The following ZNF366 variants were observed in gnomAD, a reference collection of about 807,000 sequenced individuals.
ZNF366 encodes the protein zinc finger protein 366, also known as dendritic cell-specific transcript protein.
In ZNF366, 20 loss-of-function variants were observed where a neutral mutation model predicts 47.2. That is an observed-to-expected ratio of 0.42 (90% CI 0.30 to 0.62). ZNF366 has a LOEUF of 0.62. ZNF366 is among the 20% of genes least tolerant of loss of function. The probability of loss-of-function intolerance (pLI) is 0.16; values close to 1 mark genes in which losing one functional copy is unlikely to be tolerated. For synonymous variants in ZNF366, 421 were observed against 395.1 expected (o/e 1.07, Z -0.78); for missense variants, 987 against 976.3 (o/e 1.01, Z -0.15).
At chr5:72,447,456 C>T (rs893796352) in intron 3 of ZNF366, 39 bp from the exon 4 acceptor site, 24 of 1,608,280 alleles carry the variant, frequency 1.5e-5, no homozygotes, top group Middle Eastern at 1.9e-4. Flanking sequence ...TTACTCTGCC[C>T]GAGTGAAGCC....
rs146052499 is a variant in ZNF366 at position 72,460,178 on chromosome 5, G to A, written c.1319C>T (p.Ser440Phe). The change falls in exon 2 of 5, where the codon TCC (serine) becomes TTC (phenylalanine). Residue 440 changes from serine to phenylalanine, a missense_variant. By Grantham distance (155) the Ser-to-Phe change is radical. Around this residue, in one of 3 missense-constraint regions of ZNF366, gnomAD observed 111 missense variants for 180.5 expected, o/e 0.61. Coordinates refer to ENST00000318442, the MANE Select transcript of ZNF366 (RefSeq NM_152625.3). ...GCCCCGCAGTACCTTGTGGGTGAGG[G>A]AGTGCTGCTTGAGGTGGTGCGGCTG... Reference protein sequence around the residue: ...FVQPHHLKQHSLTHKGVKEHK... With the variant: ...FVQPHHLKQHFLTHKGVKEHK... 1.2e-5 allele frequency: 20 copies of A among 1,614,000 alleles called. No individual in the cohort carries two copies. The highest frequency in any genetic ancestry group is 2.7e-5 in the African/African-American group (2 of 74,938).
chr5:72,441,015 G>C lies in ZNF366; in HGVS notation c.*2741C>G, dbSNP rs143958002. Reference sequence around the variant, plus strand: ...AATCAGATGGAACTTGAGCTGCTTGGAGTGAGGTGGGTGTGGGAGTTGAGA... The same window carrying C: ...AATCAGATGGAACTTGAGCTGCTTGCAGTGAGGTGGGTGTGGGAGTTGAGA... On this transcript the variant is annotated 3_prime_UTR_variant, in exon 5 of 5. Coordinates refer to ENST00000318442, the MANE Select transcript of ZNF366 (RefSeq NM_152625.3). 9.4e-4 allele frequency: 143 copies of C among 152,266 alleles called. No individual in the cohort carries two copies. Among genetic ancestry groups the C allele is most frequent in the African/African-American group, 3.4e-3 (140 of 41,540 alleles). The allele number at this position is 152,266 out of a possible 1,614,324, so 9.4% of individuals were successfully genotyped here.
At chr5:72,454,600 A>C (rs1743143321) in intron 3 of ZNF366, among the ~76,000 whole-genome samples, 1 of 152,210 alleles carries the variant, frequency 6.6e-6, no homozygotes, top group Non-Finnish European at 1.5e-5. Context: ...AGGGGATTAT[A>C]AACTATGTTA....
intron 1 of ZNF366, among the ~76,000 whole-genome samples, chr5:72,493,036 C>T (rs907503623): frequency 1.3e-5 from 2 of 152,186 alleles, no homozygotes; most frequent in Non-Finnish European, 2.9e-5. Context: ...GAATATTCCC[C>T]AAATGTAGCC....
At chr5:72,451,241 C>T (rs955931422) in intron 3 of ZNF366, among the ~76,000 whole-genome samples, 1 of 152,264 alleles carries the variant, frequency 6.6e-6, no homozygotes, top group African/African-American at 2.4e-5. Context: ...CTTGACCTCT[C>T]GGTCACTCCA....
chr5:72,450,671 T>C (rs1743048655), intron 3 of ZNF366, among the ~76,000 whole-genome samples: 1 of 152,194 alleles, frequency 6.6e-6, no homozygotes, highest in Non-Finnish European at 1.5e-5. Context: ...TCGGGCTCCA[T>C]TCACACCTGG....
intron 1 of ZNF366, among the ~76,000 whole-genome samples, chr5:72,488,112 G>C (rs1474640139): frequency 6.6e-6 from 1 of 152,084 alleles, no homozygotes; most frequent in Non-Finnish European, 1.5e-5. Context: ...GGAGGCTGAG[G>C]GGAGAGAATC....
At chr5:72,481,925 C>G (rs774671876) in intron 1 of ZNF366, among the ~76,000 whole-genome samples, 3 of 152,080 alleles carry the variant, frequency 2.0e-5, no homozygotes, top group Non-Finnish European at 4.4e-5. Context: ...CTGATATCCT[C>G]TAGTTCAGGT....
At chr5:72,507,033 A>G (rs1744332440) in intron 1 of ZNF366, among the ~76,000 whole-genome samples, 1 of 152,196 alleles carries the variant, frequency 6.6e-6, no homozygotes, top group Non-Finnish European at 1.5e-5. Flanking sequence ...CTTTAGTCCC[A>G]ATGTAATTCT....
At chr5:72,448,202 G>T (rs1742996612) in intron 3 of ZNF366, among the ~76,000 whole-genome samples, 1 of 152,174 alleles carries the variant, frequency 6.6e-6, no homozygotes. Flanking sequence ...TCTAAGGAAG[G>T]AGTGTGTCTT....
intron 1 of ZNF366, among the ~76,000 whole-genome samples, chr5:72,502,449 A>G (rs1015069955): frequency 6.6e-6 from 1 of 152,156 alleles, no homozygotes; most frequent in African/African-American, 2.4e-5. Flanking sequence ...GCTTTATTTC[A>G]TTATCCATAT....
chr5:72,487,753 A>G (rs1743919837), intron 1 of ZNF366, among the ~76,000 whole-genome samples: 2 of 152,242 alleles, frequency 1.3e-5, no homozygotes, highest in South Asian at 2.1e-4. Context: ...AAGTTAGTGT[A>G]TCTTTTGGCC....
At chr5:72,464,005 G>A (rs1743384838) in intron 1 of ZNF366, among the ~76,000 whole-genome samples, 2 of 152,296 alleles carry the variant, frequency 1.3e-5, no homozygotes, top group South Asian at 4.1e-4. Flanking sequence ...TAGAAAGGCT[G>A]CTCAGATTGG....
intron 2 of ZNF366, among the ~76,000 whole-genome samples, chr5:72,456,879 CCAGT>C (rs1743199173): frequency 6.6e-6 from 1 of 152,120 alleles, no homozygotes. Context: ...GGTTAAGTCT[CCAGT>C]GATAGTTCTT....
chr5:72,494,266 C>T (rs1465669977), intron 1 of ZNF366: 6 of 152,184 alleles, frequency 3.9e-5, no homozygotes, highest in African/African-American at 1.4e-4. Context: ...GAATCCTTTA[C>T]TCTGTCTGAG....
chr5:72,472,036 A>G (rs1743575584), intron 1 of ZNF366, among the ~76,000 whole-genome samples: 2 of 152,198 alleles, frequency 1.3e-5, no homozygotes, highest in Non-Finnish European at 2.9e-5. Context: ...CATCAGGAAA[A>G]TAAATACAAG....
In ZNF366 at chr5:72,442,216, T is replaced by A. The variant is rs1353429261; in HGVS notation, c.*1540A>T. 1 of 152,192 alleles carries A rather than the reference T, an allele frequency of 6.6e-6. No homozygotes were observed. Among genetic ancestry groups the A allele is most frequent in the East Asian group, 1.9e-4 (1 of 5,202 alleles). The allele number at this position is 152,192 out of a possible 1,614,324, so 9.4% of individuals were successfully genotyped here. On this transcript the variant is annotated 3_prime_UTR_variant, in exon 5 of 5. Transcript: ENST00000318442. ...ATTGTGAGGTCTCCTATTCTCAACCTTAAAGAGTCTGAGGCTAGGAACAGA... is the reference window on the plus strand; with the variant it reads ...ATTGTGAGGTCTCCTATTCTCAACCATAAAGAGTCTGAGGCTAGGAACAGA...
intron 3 of ZNF366, among the ~76,000 whole-genome samples, chr5:72,453,651 G>A (rs1420566187): frequency 2.0e-5 from 3 of 152,208 alleles, no homozygotes; most frequent in Non-Finnish European, 4.4e-5. Flanking sequence ...GACATAATCT[G>A]TAAACCCAGA....
In ZNF366 at chr5:72,440,066, T is replaced by A. The variant is rs554048325; in HGVS notation, c.*3690A>T. The A allele has an allele frequency of 2.0e-5, 3 of 152,358 alleles. No individual in the cohort carries two copies. Among genetic ancestry groups the A allele is most frequent in the African/African-American group, 7.2e-5 (3 of 41,596 alleles). The allele number at this position is 152,358 out of a possible 1,614,324, so 9.4% of individuals were successfully genotyped here. A position where few individuals can be genotyped will look rare whatever the true frequency, so the allele number is the denominator to read the frequency against. ...TAGCAAGCCAGAGTTCTGTACAAAATCAACATTTGGTGTAATGTTGTCCAA... is the reference window on the plus strand; with the variant it reads ...TAGCAAGCCAGAGTTCTGTACAAAAACAACATTTGGTGTAATGTTGTCCAA... On this transcript the variant is annotated 3_prime_UTR_variant, in exon 5 of 5. Coordinates refer to ENST00000318442, the MANE Select transcript of ZNF366 (RefSeq NM_152625.3).
Sources: allele counts gnomAD v4.1 joint callset (sites outside exome capture counted in the v4.1 genomes callset), GRCh38; gene constraint gnomAD v4.1.1; regional missense constraint gnomAD v4.1.1; transcripts MANE v1.5; gene names NCBI Gene and HGNC (gene_info 2026-07-23, HGNC 2026-07-21).